The following TRAK2 variants were observed in gnomAD, a reference collection of about 807,000 sequenced individuals.
The protein encoded by TRAK2 is trafficking kinesin-binding protein 2.
Under a neutral mutation model 104.6 loss-of-function variants are expected in TRAK2, and 81 were observed. The observed-to-expected ratio is 0.77, with a 90% CI of 0.65 to 0.93. The LOEUF is 0.93. Ranked by LOEUF, TRAK2 falls within the 40% of genes least tolerant of loss-of-function variation. The pLI is 0.00. For missense variants in TRAK2, 1,002 were observed against 1,089.0 expected, an observed-to-expected ratio of 0.92 and a Z score of 1.12; for synonymous variants, 406 against 394.4, an observed-to-expected ratio of 1.03 and a Z score of -0.35.
At chr2:201,419,940 T>G (rs368321155) in intron 2 of TRAK2, among the ~76,000 whole-genome samples, 1 of 152,180 alleles carries the variant, frequency 6.6e-6, no homozygotes, top group African/African-American at 2.4e-5. Flanking sequence ...AAAGTCTGGT[T>G]TGGTGGGCAA....
At position 201,420,657 on chromosome 2, in the gene TRAK2, C is replaced by G. The variant is rs984716114; in HGVS notation, c.-150G>C. ...TTTCTCTGATGAGTCAAATGACATC[C>G]GTAGCAACGAGCACTCTCATGTGAT... On this transcript the variant is annotated 5_prime_UTR_variant, in exon 2 of 16. Coordinates refer to ENST00000332624, the MANE Select transcript of TRAK2 (RefSeq NM_015049.3). The G allele has an allele frequency of 7.9e-6, 5 of 629,214 alleles. No individual in the cohort carries two copies. Among genetic ancestry groups the G allele is most frequent in the Non-Finnish European group, 1.1e-5 (4 of 356,768 alleles). The allele number at this position is 629,214 out of a possible 1,614,324, so 39.0% of individuals were successfully genotyped here.
chr2:201,396,644 T>C (rs764989484), intron 7 of TRAK2, among the ~76,000 whole-genome samples: 83 of 152,134 alleles, frequency 5.5e-4, no homozygotes, highest in Non-Finnish European at 9.0e-4. Flanking sequence ...TTTGGGGCCA[T>C]TACTAAGTAT....
At chr2:201,400,972 C>G in intron 4 of TRAK2, 46 bp downstream of exon 4, 3 of 1,478,752 alleles carry the variant, frequency 2.0e-6, no homozygotes, top group Non-Finnish European at 1.9e-6. Context: ...CCAAATGATC[C>G]TCAAGTTTTA....
At chr2:201,401,207 C>A in intron 3 of TRAK2, 113 bp from the exon 4 acceptor site, 2 of 583,288 alleles carry the variant, frequency 3.4e-6, no homozygotes, top group South Asian at 3.1e-5. Context: ...TACAAAAAGT[C>A]ATTCAGGAGA....
intron 4 of TRAK2, among the ~76,000 whole-genome samples, chr2:201,399,771 A>G (rs1251865772): frequency 6.6e-6 from 1 of 152,096 alleles, no homozygotes. Flanking sequence ...TTAAGAGTCT[A>G]GCAACCCAAA....
At chr2:201,425,555 C>A (rs1306979460) in intron 1 of TRAK2, among the ~76,000 whole-genome samples, 5 of 152,054 alleles carry the variant, frequency 3.3e-5, no homozygotes, top group Admixed American at 2.0e-4. Flanking sequence ...CTCCTGCCAC[C>A]ACGCCTGGCT....
chr2:201,388,184 T>C (rs1951410193), intron 12 of TRAK2, 183 bp from the exon 13 acceptor site: 1 of 662,946 alleles, frequency 1.5e-6, no homozygotes, highest in East Asian at 2.9e-5. Context: ...ATATCATTTT[T>C]ACAGATCATT....
intron 2 of TRAK2, among the ~76,000 whole-genome samples, chr2:201,413,589 C>G (rs1951667383): frequency 6.6e-6 from 1 of 151,982 alleles, no homozygotes; most frequent in South Asian, 2.1e-4. Flanking sequence ...AATAAGGTTG[C>G]TATAGTATCT....
At position 201,399,515 on chromosome 2, in the gene TRAK2, C is replaced by G. The variant is rs571338958; in HGVS notation, c.364-22G>C. Reference sequence around the variant, plus strand: ...CCCTCTGTTAAAATACCAAATACACCTTTTCTTTGAGTATAAACAAGGTTA... The same window carrying G: ...CCCTCTGTTAAAATACCAAATACACGTTTTCTTTGAGTATAAACAAGGTTA... On this transcript the variant is annotated intron_variant, in intron 4 of 15. Coordinates refer to ENST00000332624, the MANE Select transcript of TRAK2 (RefSeq NM_015049.3). The G allele has an allele frequency of 5.7e-6, 9 of 1,579,080 alleles. No homozygotes were observed. The East Asian group carries it at 2.0e-4, about 35-fold the overall frequency.
At chr2:201,450,709 C>G (rs1952023259) in intron 1 of TRAK2, among the ~76,000 whole-genome samples, 1 of 143,872 alleles carries the variant, frequency 7.0e-6, no homozygotes, top group Admixed American at 7.0e-5. Context: ...TTTTTTCTGA[C>G]GTAGAAACAG....
intron 2 of TRAK2, among the ~76,000 whole-genome samples, chr2:201,407,919 C>T (rs1951609890): frequency 6.6e-6 from 1 of 152,070 alleles, no homozygotes; most frequent in South Asian, 2.1e-4. Flanking sequence ...CACCTGTATA[C>T]AATGTATAAT....
Position 201,407,987 on chromosome 2 carries a change from T to C in TRAK2, c.92-390A>G, listed in dbSNP as rs113796029. Among the ~76,000 whole-genome samples the C allele has an allele frequency of 2.7e-3, 405 of 152,348 alleles. 3 individuals carry two copies. The highest frequency in any genetic ancestry group is 8.9e-3 in the African/African-American group (368 of 41,578). On this transcript the variant is annotated intron_variant, in intron 2 of 15. Transcript: ENST00000332624. ...CTCAAGCATTTATCATTTCTTTGCATTGAGGACATTCAAAATCCTACCTTT... is the reference window on the plus strand; with the variant it reads ...CTCAAGCATTTATCATTTCTTTGCACTGAGGACATTCAAAATCCTACCTTT...
intron 9 of TRAK2, 102 bp from the exon 10 acceptor site, chr2:201,393,148 G>T (rs1951463383): frequency 8.6e-7 from 1 of 1,162,912 alleles, no homozygotes; most frequent in Non-Finnish European, 1.2e-6. Flanking sequence ...TACCCAGAGG[G>T]CTAGCTAACT....
intron 1 of TRAK2, among the ~76,000 whole-genome samples, chr2:201,432,466 C>A (rs1409457702): frequency 6.6e-6 from 1 of 152,176 alleles, no homozygotes; most frequent in Non-Finnish European, 1.5e-5. Context: ...TATCATTTAA[C>A]AAGAAGCCAG....
rs567816252 is a variant in TRAK2, at chr2:201,438,761, T to C, written c.-200+12589A>G. 3.2e-4 allele frequency among the ~76,000 whole-genome samples: 48 copies of C among 152,328 alleles called. 1 individual carries two copies. The Middle Eastern group carries it at 0.01, about 32-fold the overall frequency. On this transcript the variant is annotated intron_variant, in intron 1 of 15. Transcript: ENST00000332624. Reference sequence around the variant, plus strand: ...GTAATCCGCTCCCCCCAACCATTTGTTCTTGAGCAATTTATATTTGCTTTT... The same window carrying C: ...GTAATCCGCTCCCCCCAACCATTTGCTCTTGAGCAATTTATATTTGCTTTT...
rs1304795827 is a variant in TRAK2, at chr2:201,377,579, T to C, written c.*2964A>G. The C allele has an allele frequency of 6.6e-6, 1 of 152,622 alleles. No individual in the cohort carries two copies. Among genetic ancestry groups the C allele is most frequent in the Non-Finnish European group, 1.5e-5 (1 of 68,046 alleles). 9.5% of individuals were successfully genotyped at this position (152,622 alleles called of 1,614,324 possible). A position where few individuals can be genotyped will look rare whatever the true frequency, so the allele number is the denominator to read the frequency against. The stretch of plus-strand genomic sequence containing the variant: ...ACAAGCTTTGAGTACTGTGTAAAAT[T>C]ATACCCTTTATAGGGAATAGGCTCT... On this transcript the variant is annotated 3_prime_UTR_variant, in exon 16 of 16. Transcript: ENST00000332624.
intron 1 of TRAK2, among the ~76,000 whole-genome samples, chr2:201,450,904 T>G (rs1430938127): frequency 6.6e-6 from 1 of 152,146 alleles, no homozygotes; most frequent in African/African-American, 2.4e-5. Context: ...GGCATCTGGC[T>G]CAAAATCAAT....
intron 2 of TRAK2, chr2:201,412,217 T>C (rs1951653233): frequency 2.1e-6 from 2 of 951,270 alleles, no homozygotes; most frequent in Non-Finnish European, 3.5e-6. Flanking sequence ...CTCTGTACAA[T>C]GACATGCTTG....
chr2:201,429,630 A>G (rs1951823543), intron 1 of TRAK2, among the ~76,000 whole-genome samples: 1 of 152,098 alleles, frequency 6.6e-6, no homozygotes, highest in Non-Finnish European at 1.5e-5. Flanking sequence ...AATGAGTGAT[A>G]CCCTTTCTTC....
Sources: gnomAD v4.1 joint callset for allele counts (sites outside exome capture counted in the v4.1 genomes callset) on GRCh38, gnomAD v4.1.1 for gene constraint, MANE v1.5 for transcripts, NCBI Gene and HGNC (gene_info 2026-07-23, HGNC 2026-07-21) for gene names.